LAMA1: variants seen among roughly 807,000 people sequenced by gnomAD.
LAMA1 encodes laminin subunit alpha 1.
LAMA1 carries 219 observed loss-of-function variants against 348.7 expected under a neutral mutation model. The observed-to-expected ratio is 0.63, with a 90% CI of 0.56 to 0.70. LAMA1 has a LOEUF of 0.70. LAMA1 is among the 30% of genes least tolerant of loss of function. LAMA1 has a pLI of 0.00. For missense variants in LAMA1, 3,744 were observed against 3,888.0 expected, an observed-to-expected ratio of 0.96 and a Z score of 0.99; for synonymous variants, 1,487 against 1,491.0, an observed-to-expected ratio of 1.00 and a Z score of 0.06.
intron 29 of LAMA1, among the ~76,000 whole-genome samples, chr18:7,004,236 G>T (rs779739334): frequency 6.6e-6 from 1 of 152,186 alleles, no homozygotes; most frequent in Non-Finnish European, 1.5e-5. Context: ...GATGTAAAAA[G>T]GTTCAGTCGT....
In LAMA1 at chr18:6,974,927, C is replaced by A. The variant is rs1021923683; in HGVS notation, c.6599G>T (p.Arg2200Ile). ...CCTGGCTACATGGATACTGTGCCAT[C>A]TGTTGTCATCAATGGGAAAGTCTGG... The part of the protein sequence containing the change: ...EFPDFPIDDN[R>I]WHSIHVARFG... The change falls in exon 46 of 63, where the codon AGA becomes ATA. Residue 2200 changes from arginine (R) to isoleucine (I), a missense_variant. By Grantham distance (97) the Arg-to-Ile change is moderately conservative. Around this residue, in one of 3 missense-constraint regions of LAMA1, gnomAD observed 1,983 missense variants for 1,934.3 expected, o/e 1.03. Coordinates refer to ENST00000389658, the MANE Select transcript of LAMA1 (RefSeq NM_005559.4). 6.2e-7 allele frequency: 1 copy of A among 1,614,022 alleles called. No individual in the cohort carries two copies. Among genetic ancestry groups the A allele is most frequent in the Admixed American group, 1.7e-5 (1 of 60,000 alleles).
intron 3 of LAMA1, among the ~76,000 whole-genome samples, chr18:7,075,302 A>AG (rs1006483946): frequency 7.9e-5 from 12 of 151,730 alleles, no homozygotes; most frequent in East Asian, 1.9e-4. Flanking sequence ...AGAAAAGAGG[A>AG]GGGGGGGGAA....
chr18:7,063,437 T>C (rs906549297), intron 3 of LAMA1, among the ~76,000 whole-genome samples: 3 of 152,150 alleles, frequency 2.0e-5, no homozygotes, highest in Non-Finnish European at 4.4e-5. Flanking sequence ...TGGAAAACAG[T>C]ATGGTGGTCC....
At chr18:6,959,676 T>C (rs2040611090) in intron 53 of LAMA1, 184 bp from the exon 54 acceptor site, 1 of 667,184 alleles carries the variant, frequency 1.5e-6, no homozygotes, top group Non-Finnish European at 2.6e-6. Flanking sequence ...GTTCATATAA[T>C]TTATATTCTG....
At chr18:6,982,709 C>T in intron 40 of LAMA1, 119 bp from the exon 41 acceptor site, 1 of 844,742 alleles carries the variant, frequency 1.2e-6, no homozygotes, top group Middle Eastern at 3.2e-4. Context: ...GAAAGTCAGC[C>T]AGGTACCAGG....
intron 42 of LAMA1, among the ~76,000 whole-genome samples, chr18:6,979,590 T>TA (rs1330663969): frequency 6.6e-6 from 1 of 152,168 alleles, no homozygotes; most frequent in East Asian, 1.9e-4. Flanking sequence ...GTATTACACA[T>TA]AAAAAAATTA....
intron 29 of LAMA1, 51 bp downstream of exon 29, chr18:7,007,088 G>A (rs1162442722): frequency 6.2e-7 from 1 of 1,607,302 alleles, no homozygotes; most frequent in African/African-American, 1.3e-5. Context: ...CTGACACTCA[G>A]CGTCCACTTT....
intron 39 of LAMA1, among the ~76,000 whole-genome samples, chr18:6,983,695 T>G (rs2057722431): frequency 6.6e-6 from 1 of 152,230 alleles, no homozygotes; most frequent in Admixed American, 6.5e-5. Flanking sequence ...TACGACAATT[T>G]TACAAAATTC....
chr18:7,079,913 T>G (rs950802333), intron 3 of LAMA1, 62 bp downstream of exon 3: 7 of 1,172,230 alleles, frequency 6.0e-6, no homozygotes, highest in Admixed American at 1.7e-5. Context: ...TTCCCAAAGG[T>G]CATCAGAAGA....
intron 29 of LAMA1, among the ~76,000 whole-genome samples, chr18:7,004,594 C>T (rs367810789): frequency 2.6e-5 from 4 of 152,124 alleles, no homozygotes; most frequent in East Asian, 1.9e-4. Context: ...CCAGGTGATC[C>T]GCCCACCTTG....
intron 3 of LAMA1, among the ~76,000 whole-genome samples, chr18:7,053,186 G>T (rs544151378): frequency 6.6e-6 from 1 of 152,192 alleles, no homozygotes; most frequent in East Asian, 1.9e-4. Flanking sequence ...CAGGGTGAGG[G>T]AAGGAGGGAT....
chr18:7,022,647 A>G (rs1412613063), intron 19 of LAMA1, among the ~76,000 whole-genome samples: 1 of 152,184 alleles, frequency 6.6e-6, no homozygotes, highest in Non-Finnish European at 1.5e-5. Context: ...AGTTTTCTCC[A>G]CGATCCATAA....
Position 6,947,306 on chromosome 18 carries a change from A to C in LAMA1, c.8711-10T>G. On this transcript the variant is annotated splice_polypyrimidine_tract_variant and intron_variant, in intron 60 of 62. Transcript: ENST00000389658. ...TTGTAGCCCTCTTTGACTGTAACAC[A>C]CAAGGAGGACCCAAGTCAGGGTGAG... The C allele has an allele frequency of 6.2e-7, 1 of 1,613,330 alleles. No individual in the cohort carries two copies. Among genetic ancestry groups the C allele is most frequent in the East Asian group, 2.2e-5 (1 of 44,888 alleles).
rs753538344 is a variant in LAMA1 at position 7,024,725 on chromosome 18, G to A, written c.2403-259C>T. 1.2e-4 allele frequency among the ~76,000 whole-genome samples: 18 copies of A among 152,102 alleles called. 1 individual carries two copies. Among genetic ancestry groups the A allele is most frequent in the Admixed American group, 7.2e-4 (11 of 15,254 alleles). On this transcript the variant is annotated intron_variant, in intron 17 of 62. Coordinates refer to ENST00000389658, the MANE Select transcript of LAMA1 (RefSeq NM_005559.4). ...TCCTCTCATTCTCAGCCCACAGCGC[G>A]CCTGCTTCTCTCGCTGTCTGCCTGG...
intron 32 of LAMA1, among the ~76,000 whole-genome samples, chr18:6,998,646 A>G (rs554636428): frequency 2.4e-4 from 37 of 152,348 alleles, no homozygotes; most frequent in African/African-American, 8.7e-4. Context: ...AGGCCTCCCT[A>G]TCTTCCCCAT....
Position 6,985,580 on chromosome 18 carries a change from C to A in LAMA1, c.5443G>T (p.Gly1815Ter). Residue 1815 changes from glycine to a stop codon, truncating the protein, a stop_gained, in exon 38 of 63, where the codon GGA (glycine) becomes TGA (stop). Transcript: ENST00000389658. LOFTEE classifies it high-confidence loss of function. Reference sequence around the variant, plus strand: ...TGTGCAGCAGCAGCATCTATCAATCCTCTTCCTTGGACAATGAGCTCTGAG... The same window carrying A: ...TGTGCAGCAGCAGCATCTATCAATCATCTTCCTTGGACAATGAGCTCTGAG... ...LTSELIVQGRGLIDAAAAQTD... is the reference protein window; with the variant it reads ...LTSELIVQGR 6.2e-7 allele frequency: 1 copy of A among 1,614,122 alleles called. No individual in the cohort carries two copies. The highest frequency in any genetic ancestry group is 8.5e-7 in the Non-Finnish European group (1 of 1,180,016).
chr18:7,022,986 A>G (rs552865027), intron 19 of LAMA1, among the ~76,000 whole-genome samples, 178 bp downstream of exon 19: 2 of 152,312 alleles, frequency 1.3e-5, no homozygotes, highest in East Asian at 3.9e-4. Context: ...AGGATAGGGT[A>G]GCTAGGGAAG....
chr18:6,974,837 G>C, intron 46 of LAMA1, 66 bp downstream of exon 46: 1 of 1,577,286 alleles, frequency 6.3e-7, no homozygotes, highest in Non-Finnish European at 8.7e-7. Flanking sequence ...GATGTTACAA[G>C]CATGTAATTA....
chr18:7,084,144 A>T (rs2143789739), intron 1 of LAMA1, among the ~76,000 whole-genome samples: 1 of 150,240 alleles, frequency 6.7e-6, no homozygotes, highest in South Asian at 2.1e-4. Flanking sequence ...TAGAGCAAGC[A>T]TGTTTTAAAC....
Sources: gnomAD v4.1 joint callset for allele counts (sites outside exome capture counted in the v4.1 genomes callset) on GRCh38, gnomAD v4.1.1 for gene constraint, gnomAD v4.1.1 regional missense constraint, MANE v1.5 for transcripts, NCBI Gene and HGNC (gene_info 2026-07-23, HGNC 2026-07-21) for gene names.